FAM161A: variants seen among roughly 807,000 people sequenced by gnomAD.
FAM161A encodes protein FAM161A.
Under a neutral mutation model 70.9 loss-of-function variants are expected in FAM161A, and 57 were observed. The observed-to-expected ratio is 0.80, with a 90% CI of 0.65 to 1.00. The LOEUF (loss-of-function observed/expected upper bound fraction) is 1.00. Among genes scored for constraint, FAM161A ranks in the 50% least tolerant of loss-of-function variants. The pLI is 0.00. For missense variants in FAM161A, 880 were observed against 836.0 expected, an observed-to-expected ratio of 1.05 and a Z score of -0.65; for synonymous variants, 299 against 295.7, an observed-to-expected ratio of 1.01 and a Z score of -0.12.
the FAM161A span, among the ~76,000 whole-genome samples, chr2:61,815,012 C>T: frequency 2.0e-5 from 3 of 152,136 alleles, no homozygotes; most frequent in African/African-American, 4.8e-5. Context: ...TGATCAGCTC[C>T]GTTTATCCAA....
intron 2 of FAM161A, among the ~76,000 whole-genome samples, chr2:61,841,051 C>A (rs537900114): frequency 6.6e-6 from 1 of 152,284 alleles, no homozygotes; most frequent in African/African-American, 2.4e-5. Context: ...CTGGGCAATG[C>A]CCATAAATTA....
At chr2:61,848,347 G>T (rs1572893297) in intron 1 of FAM161A, among the ~76,000 whole-genome samples, 1 of 152,172 alleles carries the variant, frequency 6.6e-6, no homozygotes, top group Admixed American at 6.5e-5. Flanking sequence ...TGATCTCACA[G>T]TGTTTAACCT....
intron 1 of FAM161A, among the ~76,000 whole-genome samples, chr2:61,848,367 G>A (rs1451510140): frequency 6.6e-6 from 1 of 152,148 alleles, no homozygotes; most frequent in Admixed American, 6.5e-5. Flanking sequence ...TAAAACAGAT[G>A]AATGGCTAGT....
intron 1 of FAM161A, among the ~76,000 whole-genome samples, chr2:61,848,755 T>A (rs1673320803): frequency 7.3e-6 from 1 of 137,862 alleles, no homozygotes; most frequent in Non-Finnish European, 1.5e-5. Context: ...AAACTCCCAA[T>A]AAATAAGAAA....
intron 5 of FAM161A, among the ~76,000 whole-genome samples, chr2:61,827,935 G>T (rs1354638537): frequency 2.0e-5 from 3 of 152,188 alleles, no homozygotes; most frequent in African/African-American, 7.2e-5. Flanking sequence ...AACATGGATA[G>T]ATCTCACAAA....
chr2:61,811,375 T>A, the FAM161A span, among the ~76,000 whole-genome samples: 14 of 151,834 alleles, frequency 9.2e-5, no homozygotes. Flanking sequence ...TTTTTTTATT[T>A]TATTTATTTA....
At chr2:61,803,191 G>T in the FAM161A span, 1 of 544,806 alleles carries the variant, frequency 1.8e-6, no homozygotes, top group South Asian at 1.6e-5. Flanking sequence ...GCCTAAGACA[G>T]AAATTCAGAA....
intron 5 of FAM161A, among the ~76,000 whole-genome samples, chr2:61,828,483 C>A (rs1196931192): frequency 6.6e-6 from 1 of 152,142 alleles, no homozygotes; most frequent in African/African-American, 2.4e-5. Context: ...CGCGTGCCAC[C>A]ATGCCCAGCT....
At chr2:61,835,024 C>T (rs1672720746) in intron 5 of FAM161A, among the ~76,000 whole-genome samples, 1 of 152,062 alleles carries the variant, frequency 6.6e-6, no homozygotes, top group East Asian at 1.9e-4. Flanking sequence ...AAATGAAAGG[C>T]ATTATATAAA....
At chr2:61,815,426 C>T in the FAM161A span, among the ~76,000 whole-genome samples, 1 of 150,874 alleles carries the variant, frequency 6.6e-6, no homozygotes, top group African/African-American at 2.4e-5. Flanking sequence ...TGATGGCCAA[C>T]TGTGTTGCCC....
Position 61,853,966 on chromosome 2 carries a change from G to A in FAM161A, c.76C>T (p.Arg26Trp). ...QTPVNPITGA[R>W]VAQYEREDPL... is the part of the protein sequence containing the mutation. ...TCTTCGCGTTCGTACTGGGCGACCC[G>A]CGCTCCAGTGATGGGATTTACCGGG... Residue 26 changes from arginine to tryptophan, a missense_variant, in exon 1 of 7, where the codon CGG (arginine) becomes TGG (tryptophan). By Grantham distance (101) the Arg-to-Trp change is moderately radical. Transcript: ENST00000404929. The A allele has an allele frequency of 6.2e-7, 1 of 1,613,922 alleles. No individual in the cohort carries two copies. Among genetic ancestry groups the A allele is most frequent in the Non-Finnish European group, 8.5e-7 (1 of 1,179,826 alleles).
chr2:61,842,437 G>A (rs1232476800), intron 1 of FAM161A, 77 bp from the exon 2 acceptor site: 6 of 854,320 alleles, frequency 7.0e-6, no homozygotes, highest in Non-Finnish European at 1.1e-5. Flanking sequence ...CCAAAATGCT[G>A]CTTCTTAAAG....
chr2:61,825,884 G>A lies in FAM161A; in HGVS notation c.*571C>T, dbSNP rs1333668691. 2.2e-5 allele frequency: 10 copies of A among 453,808 alleles called. No individual in the cohort carries two copies. Among genetic ancestry groups the A allele is most frequent in the African/African-American group, 1.0e-4 (5 of 49,924 alleles). 28.1% of individuals were successfully genotyped at this position (453,808 alleles called of 1,614,324 possible). Reference sequence around the variant, plus strand: ...GATCTCCTGACCTCGTGATCCACCCGTCTCGGCCTCCCAAAATGCTGGGAT... The same window carrying A: ...GATCTCCTGACCTCGTGATCCACCCATCTCGGCCTCCCAAAATGCTGGGAT... On this transcript the variant is annotated 3_prime_UTR_variant, in exon 7 of 7. Transcript: ENST00000404929.
At chr2:61,801,856 C>CG in the FAM161A span, among the ~76,000 whole-genome samples, 1 of 151,972 alleles carries the variant, frequency 6.6e-6, no homozygotes, top group African/African-American at 2.4e-5. Flanking sequence ...CCACCGTGCC[C>CG]GGCTTGAATA....
chr2:61,801,897 A>G, the FAM161A span, among the ~76,000 whole-genome samples: 7 of 152,326 alleles, frequency 4.6e-5, no homozygotes, highest in Admixed American at 3.9e-4. Flanking sequence ...TAATGCTGCT[A>G]GAAGAACTCT....
At position 61,840,187 on chromosome 2, in the gene FAM161A, C is replaced by T. The variant is rs6733774; in HGVS notation, c.817G>A (p.Glu273Lys). The change falls in exon 3 of 7, where the codon GAA becomes AAA. Residue 273 changes from glutamate to lysine, a missense_variant. Physicochemically the swap from Glu to Lys is moderately conservative, Grantham distance 56. Transcript: ENST00000404929. ...TTCTTCTTATACTCTGGATCCTCTT[C>T]TTGTTTTTTGAGCGCTTTATGTACC... ...EMVHKALKKQ[E>K]EDPEYKKKFR... 1,540 of 1,614,008 alleles carry T rather than the reference C, an allele frequency of 9.5e-4. 21 individuals are homozygous for T. The African/African-American group carries it at 0.018, about 19-fold the overall frequency.
chr2:61,847,549 T>C (rs756360017), intron 1 of FAM161A, among the ~76,000 whole-genome samples: 5 of 152,198 alleles, frequency 3.3e-5, no homozygotes, highest in East Asian at 1.9e-4. Flanking sequence ...GGCAGGTGGA[T>C]TGCTTGAGCC....
the FAM161A span, among the ~76,000 whole-genome samples, chr2:61,815,520 C>T: frequency 6.8e-6 from 1 of 147,330 alleles, no homozygotes; most frequent in East Asian, 2.0e-4. Context: ...TCTGTGTCCA[C>T]CCTGAAAGAT....
chr2:61,805,387 G>T, the FAM161A span, among the ~76,000 whole-genome samples: 1 of 152,136 alleles, frequency 6.6e-6, no homozygotes, highest in African/African-American at 2.4e-5. Flanking sequence ...TTGGTGGCGG[G>T]AGCCTGTAAT....
Sources: allele counts gnomAD v4.1 joint callset (sites outside exome capture counted in the v4.1 genomes callset), GRCh38; gene constraint gnomAD v4.1.1; transcripts MANE v1.5; gene names NCBI Gene and HGNC (gene_info 2026-07-23, HGNC 2026-07-21).